The following CENPO variants were observed in gnomAD, a reference collection of about 807,000 sequenced individuals.
CENPO encodes centromeric protein O.
CENPO carries 30 observed loss-of-function variants against 36.1 expected under a neutral mutation model. The ratio of observed to expected loss-of-function variants is 0.83; its 90% CI spans 0.62 to 1.13. The LOEUF (loss-of-function observed/expected upper bound fraction) is 1.13, where lower values mean the gene tolerates loss of function less well. Ranked by LOEUF, CENPO falls within the 50% of genes most tolerant of loss-of-function variation. The probability of loss-of-function intolerance (pLI) is 0.00; values close to 1 mark genes in which losing one functional copy is unlikely to be tolerated. For synonymous variants in CENPO, 171 were observed against 142.3 expected (o/e 1.20, Z -1.44); for missense variants, 349 against 357.8 (o/e 0.98, Z 0.20).
intron 2 of CENPO, among the ~76,000 whole-genome samples, 156 bp downstream of exon 2, chr2:24,794,121 A>G (rs1226113437): frequency 1.3e-5 from 2 of 152,230 alleles, no homozygotes; most frequent in Non-Finnish European, 2.9e-5. Flanking sequence ...CAGGCAGCCA[A>G]GATTATTCGA....
chr2:24,802,539 C>G lies in CENPO; in HGVS notation c.216+2695C>G, dbSNP rs947451063. Among the ~76,000 whole-genome samples, 30 of 152,058 alleles carry G rather than the reference C, an allele frequency of 2.0e-4. No individual in the cohort carries two copies. The South Asian group carries it at 2.9e-3, about 15-fold the overall frequency. On this transcript the variant is annotated intron_variant, in intron 3 of 7. Coordinates refer to ENST00000380834, the MANE Select transcript of CENPO (RefSeq NM_001322101.2). ...TTTATTGAGAGTTTTTAGCATGAAG[C>G]GTTGTTGAATTTTGTCAAAGGCCTT...
intron 2 of CENPO, among the ~76,000 whole-genome samples, chr2:24,795,166 G>A (rs1665837630): frequency 7.9e-5 from 12 of 152,178 alleles, no homozygotes; most frequent in Admixed American, 7.9e-4. Context: ...AAGTGATGAG[G>A]TGGAAGTTTT....
At position 24,799,796 on chromosome 2, in the gene CENPO, G is replaced by T. The variant is rs1161120497; in HGVS notation, c.168G>T (p.Arg56Ser). ...TTGGAACCAAGATTCATAAACTAAGGCGTCTGCGAGATGAGCTGAGGGCTG... is the reference window on the plus strand; with the variant it reads ...TTGGAACCAAGATTCATAAACTAAGTCGTCTGCGAGATGAGCTGAGGGCTG... ...GALGTKIHKL[R>S]RLRDELRAVV... The change falls in exon 3 of 8, where the codon AGG (arginine) becomes AGT (serine). Residue 56 changes from arginine to serine, a missense_variant. Arg to Ser is a moderately radical substitution (Grantham distance 110). Coordinates refer to ENST00000380834, the MANE Select transcript of CENPO (RefSeq NM_001322101.2). 1 of 1,613,844 alleles carries T rather than the reference G, an allele frequency of 6.2e-7. No individual in the cohort carries two copies. The highest frequency in any genetic ancestry group is 1.1e-5 in the South Asian group (1 of 91,072).
In CENPO at chr2:24,812,012, C is replaced by A. The variant is rs145355290; in HGVS notation, c.217-2364C>A. 1.5e-4 allele frequency among the ~76,000 whole-genome samples: 23 copies of A among 152,296 alleles called. No homozygotes were observed. In the East Asian group the frequency reaches 4.2e-3, roughly 28 times the overall value. On this transcript the variant is annotated intron_variant, in intron 3 of 7. Coordinates refer to ENST00000380834, the MANE Select transcript of CENPO (RefSeq NM_001322101.2). ...TCCTTTAGTGTTAGACACATATTTA[C>A]CCTTTTCAGTGCTCTTCATTTTCAC...
chr2:24,821,507 G>T lies in CENPO; in HGVS notation c.*2189G>T. 6.2e-7 allele frequency: 1 copy of T among 1,613,568 alleles called. No individual in the cohort carries two copies. The highest frequency in any genetic ancestry group is 1.1e-5 in the South Asian group (1 of 91,040). On this transcript the variant is annotated 3_prime_UTR_variant, in exon 8 of 8. Transcript: ENST00000380834. ...GCCTGCTGCGGGGCAGGCCAGCTGGGGGTGCTCACCTATGCGCAGCATGAA... is the reference window on the plus strand; with the variant it reads ...GCCTGCTGCGGGGCAGGCCAGCTGGTGGTGCTCACCTATGCGCAGCATGAA...
chr2:24,809,454 A>G (rs893456271), intron 3 of CENPO, among the ~76,000 whole-genome samples: 1 of 152,130 alleles, frequency 6.6e-6, no homozygotes, highest in Admixed American at 6.5e-5. Context: ...TCTCTTAAAT[A>G]CATTTAAAGT....
At position 24,819,841 on chromosome 2, in the gene CENPO, G is replaced by GTA; in HGVS notation, c.*524_*525insAT. The GTA allele has an allele frequency of 7.4e-7, 1 of 1,358,520 alleles. No individual in the cohort carries two copies. Among genetic ancestry groups the GTA allele is most frequent in the Non-Finnish European group, 1.0e-6 (1 of 986,398 alleles). The allele number at this position is 1,358,520 out of a possible 1,614,324, so 84.2% of individuals were successfully genotyped here. A position where few individuals can be genotyped will look rare whatever the true frequency, so the allele number is the denominator to read the frequency against. On this transcript the variant is annotated 3_prime_UTR_variant, in exon 8 of 8. Transcript: ENST00000380834. ...GTTTCTAAACCTAAAGTCCATGAGT[G>GTA]TGCACTTCAATCCAGGAAGGTCGGG... is the stretch of plus-strand genomic sequence containing the variant.
intron 3 of CENPO, among the ~76,000 whole-genome samples, chr2:24,805,598 G>A (rs1239521991): frequency 6.6e-6 from 1 of 152,208 alleles, no homozygotes; most frequent in Non-Finnish European, 1.5e-5. Context: ...CACTCCAGAC[G>A]CTGTTTGCCT....
intron 3 of CENPO, 68 bp downstream of exon 3, chr2:24,799,912 G>A: frequency 1.3e-6 from 2 of 1,522,746 alleles, no homozygotes; most frequent in Non-Finnish European, 1.8e-6. Context: ...GGGAATTGGT[G>A]AATTGGCCAT....
chr2:24,821,498 G>T lies in CENPO; in HGVS notation c.*2180G>T. On this transcript the variant is annotated 3_prime_UTR_variant, in exon 8 of 8. Transcript: ENST00000380834. ...GGGAAGGGAGCCTGCTGCGGGGCAG[G>T]CCAGCTGGGGGTGCTCACCTATGCG... The T allele has an allele frequency of 6.2e-7, 1 of 1,612,978 alleles. No homozygotes were observed. The highest frequency in any genetic ancestry group is 8.5e-7 in the Non-Finnish European group (1 of 1,179,392).
intron 7 of CENPO, among the ~76,000 whole-genome samples, chr2:24,818,664 G>A (rs2148299846): frequency 6.6e-6 from 1 of 151,992 alleles, no homozygotes; most frequent in Non-Finnish European, 1.5e-5. Flanking sequence ...TTAGAAATCT[G>A]CCCATTAACT....
chr2:24,809,908 T>G (rs999962156), intron 3 of CENPO, among the ~76,000 whole-genome samples: 3 of 152,072 alleles, frequency 2.0e-5, no homozygotes, highest in Non-Finnish European at 4.4e-5. Context: ...CTTAGCTGAG[T>G]GTGGTGGCAC....
intron 1 of CENPO, 94 bp downstream of exon 1, chr2:24,793,595 C>A: frequency 6.9e-7 from 1 of 1,456,888 alleles, no homozygotes; most frequent in South Asian, 1.4e-5. Context: ...AAACTCCTTC[C>A]GTGGCCGGGA....
chr2:24,817,654 G>A lies in CENPO; in HGVS notation c.767-16G>A, dbSNP rs758962685. 7.4e-6 allele frequency: 12 copies of A among 1,613,908 alleles called. No homozygotes were observed. Among genetic ancestry groups the A allele is most frequent in the Non-Finnish European group, 1.0e-5 (12 of 1,179,992 alleles). On this transcript the variant is annotated splice_polypyrimidine_tract_variant and intron_variant, in intron 6 of 7. Coordinates refer to ENST00000380834, the MANE Select transcript of CENPO (RefSeq NM_001322101.2). Reference sequence around the variant, plus strand: ...CCAGCTGCACTGAATGAGATTGATGGAATCTTTCTTTTTAGGAGTGGAAGT... The same window carrying A: ...CCAGCTGCACTGAATGAGATTGATGAAATCTTTCTTTTTAGGAGTGGAAGT...
chr2:24,815,152 C>A (rs1666880203), intron 4 of CENPO, among the ~76,000 whole-genome samples: 1 of 149,830 alleles, frequency 6.7e-6, no homozygotes, highest in Non-Finnish European at 1.5e-5. Flanking sequence ...ATGGGAGGAT[C>A]ATTTAAGCCC....
intron 3 of CENPO, among the ~76,000 whole-genome samples, chr2:24,808,615 A>C (rs928618596): frequency 1.3e-5 from 2 of 152,152 alleles, no homozygotes; most frequent in Admixed American, 1.3e-4. Context: ...TAAGGGAATC[A>C]TATGTTTTCT....
At chr2:24,817,492 TG>T (rs1667003884) in intron 6 of CENPO, among the ~76,000 whole-genome samples, 177 bp from the exon 7 acceptor site, 1 of 98,150 alleles carries the variant, frequency 1.0e-5, no homozygotes, top group Non-Finnish European at 2.0e-5. Context: ...ATGGGTCCAG[TG>T]GGTCCAGAAT....
At position 24,816,809 on chromosome 2, in the gene CENPO, C is replaced by A; in HGVS notation, c.758C>A (p.Thr253Lys). The change falls in exon 6 of 8, where the codon ACA becomes AAA. Residue 253 changes from threonine to lysine, a missense_variant. Thr to Lys is a moderately conservative substitution (Grantham distance 78). Coordinates refer to ENST00000380834, the MANE Select transcript of CENPO (RefSeq NM_001322101.2). ...TATLPTDVTVTCQGVEVLSTS... is the reference protein window; with the variant it reads ...TATLPTDVTVKCQGVEVLSTS... ...ACTCTTCCCACTGACGTCACCGTGA[C>A]ATGTCAAGGTAAGAAGGGTGCCTCA... is the stretch of plus-strand genomic sequence containing the variant. 1 of 1,599,166 alleles carries A rather than the reference C, an allele frequency of 6.3e-7. No individual in the cohort carries two copies. The highest frequency in any genetic ancestry group is 8.5e-7 in the Non-Finnish European group (1 of 1,172,910).
chr2:24,811,843 G>A (rs540057566), intron 3 of CENPO, among the ~76,000 whole-genome samples: 2 of 152,114 alleles, frequency 1.3e-5, no homozygotes, highest in African/African-American at 2.4e-5. Flanking sequence ...TGATCTGCCC[G>A]CTTTGGCCTC....
Sources: allele counts gnomAD v4.1 joint callset (sites outside exome capture counted in the v4.1 genomes callset), GRCh38; gene constraint gnomAD v4.1.1; transcripts MANE v1.5; gene names NCBI Gene and HGNC (gene_info 2026-07-23, HGNC 2026-07-21).